Variants in SRPRA observed in about 807,000 individuals in gnomAD.
SRPRA encodes the protein SRP receptor subunit alpha.
In SRPRA, 30 loss-of-function variants were observed where a neutral mutation model predicts 61.1. The observed-to-expected ratio is 0.49, with a 90% confidence interval of 0.37 to 0.67. The LOEUF is 0.67. SRPRA is among the 30% of genes least tolerant of loss of function. The probability of loss-of-function intolerance (pLI) is 0.00; values close to 1 mark genes in which losing one functional copy is unlikely to be tolerated. For synonymous variants in SRPRA, 324 were observed against 299.7 expected, an observed-to-expected ratio of 1.08 and a Z score of -0.84; for missense variants, 759 against 828.4, an observed-to-expected ratio of 0.92 and a Z score of 1.03.
chr11:126,260,840 A>G (rs1950677102), downstream of SRPRA: 1 of 152,364 alleles, frequency 6.6e-6, no homozygotes, highest in South Asian at 2.1e-4. Context: ...GTTATCCAGT[A>G]GAATTTCCTG....
the SRPRA span, among the ~76,000 whole-genome samples, chr11:126,255,961 T>C: frequency 2.0e-5 from 3 of 151,048 alleles, no homozygotes; most frequent in African/African-American, 7.3e-5. The surrounding 1 kb of genome is among the most constrained non-coding windows in gnomAD (Gnocchi z 4.6). Context: ...GTCTCAAAAA[T>C]AAAATAAAAA....
chr11:126,256,022 G>A, the SRPRA span, among the ~76,000 whole-genome samples: 2 of 151,360 alleles, frequency 1.3e-5, no homozygotes, highest in African/African-American at 4.9e-5. The surrounding 1 kb of genome is among the most constrained non-coding windows in gnomAD (Gnocchi z 6.6). Flanking sequence ...TGTAATCCCA[G>A]CACTTTGGGA....
At chr11:126,262,190 G>A (rs1950715404), downstream of SRPRA, 10 of 1,582,432 alleles carry the variant, frequency 6.3e-6, no homozygotes, top group East Asian at 1.6e-4. Flanking sequence ...ACTACAGACA[G>A]TGTTTAACAA....
the SRPRA span, among the ~76,000 whole-genome samples, chr11:126,239,988 G>T: frequency 6.6e-6 from 1 of 152,126 alleles, no homozygotes; most frequent in African/African-American, 2.4e-5. Context: ...AAAGGTTGGG[G>T]AGAAGCCATT....
chr11:126,246,256 A>G, the SRPRA span, among the ~76,000 whole-genome samples: 2 of 152,176 alleles, frequency 1.3e-5, no homozygotes, highest in South Asian at 2.1e-4. Context: ...GGAAATGTCC[A>G]TATTAGAAAA....
chr11:126,259,628 T>C (rs979144300), downstream of SRPRA, among the ~76,000 whole-genome samples: 4 of 151,288 alleles, frequency 2.6e-5, no homozygotes, highest in African/African-American at 4.9e-5. Context: ...GGTTTCACCA[T>C]GTTGGCCAGG....
At chr11:126,236,228 T>A in the SRPRA span, among the ~76,000 whole-genome samples, 1 of 152,232 alleles carries the variant, frequency 6.6e-6, no homozygotes, top group Admixed American at 6.5e-5. Context: ...CGCCTTTGTT[T>A]TCCTGAAGCA....
At chr11:126,261,296 T>A (rs536849960), downstream of SRPRA, 2 of 686,166 alleles carry the variant, frequency 2.9e-6, no homozygotes, top group Non-Finnish European at 5.0e-6. Flanking sequence ...TTCTCAATGA[T>A]TGTTTCATTT....
At chr11:126,239,646 T>G in the SRPRA span, among the ~76,000 whole-genome samples, 8 of 152,188 alleles carry the variant, frequency 5.3e-5, no homozygotes, top group Admixed American at 5.2e-4. Flanking sequence ...CCCTAGTAGC[T>G]GGGACTACAG....
In SRPRA at chr11:126,265,849, A is replaced by C; in HGVS notation, c.1052-26T>G. On this transcript the variant is annotated intron_variant, in intron 8 of 13. Coordinates refer to ENST00000332118, the MANE Select transcript of SRPRA (RefSeq NM_003139.4). This position sits in a 1 kb window ranked among gnomAD's most constrained non-coding sequence, Gnocchi z 6.3. ...CTGAGGAGAGGGGGACAGGTATGTC[A>C]GTTCCATGTCAGCAATGACCAATCT... 6.2e-7 allele frequency: 1 copy of C among 1,614,056 alleles called. No homozygotes were observed. Among genetic ancestry groups the C allele is most frequent in the South Asian group, 1.1e-5 (1 of 91,088 alleles).
chr11:126,257,110 C>A, the SRPRA span, among the ~76,000 whole-genome samples: 1 of 152,284 alleles, frequency 6.6e-6, no homozygotes, highest in East Asian at 1.9e-4. Flanking sequence ...CACTAGTTAT[C>A]AATGAAATGC....
At chr11:126,259,869 C>A (rs1198245587), downstream of SRPRA, among the ~76,000 whole-genome samples, 1 of 150,512 alleles carries the variant, frequency 6.6e-6, no homozygotes. Context: ...TAAAGGCGCC[C>A]GCCACCACAC....
At chr11:126,266,690 G>A (rs1950815710) in intron 5 of SRPRA, 61 bp from the exon 6 acceptor site, 1 of 1,608,308 alleles carries the variant, frequency 6.2e-7, no homozygotes. Context: ...ACATGAGCCA[G>A]AGACCAGAAC....
At chr11:126,255,084 TAACA>T in the SRPRA span, among the ~76,000 whole-genome samples, 1 of 152,346 alleles carries the variant, frequency 6.6e-6, no homozygotes, top group South Asian at 2.1e-4. This position sits in a 1 kb window ranked among gnomAD's most constrained non-coding sequence, Gnocchi z 4.6. Flanking sequence ...GGCAGCTTCT[TAACA>T]AACCAACCAC....
chr11:126,266,512 T>C lies in SRPRA; in HGVS notation c.804A>G (p.Gly268=), dbSNP rs913601111. Residue 268 remains glycine, a synonymous_variant, in exon 6 of 14, where the codon GGA becomes GGG. Coordinates refer to ENST00000332118, the MANE Select transcript of SRPRA (RefSeq NM_003139.4). ...VLDYSTPTTN[G]TPEAALSEDI... ...CCTCAGACAAGGCAGCCTCAGGGGT[T>C]CCATTGGTGGTGGGAGTACTGTAAT... The C allele has an allele frequency of 5.0e-6, 8 of 1,614,084 alleles. No homozygotes were observed. The African/African-American group carries it at 1.1e-4, about 22-fold the overall frequency.
At position 126,264,789 on chromosome 11, in the gene SRPRA, A is replaced by G; in HGVS notation, c.1525+170T>C. 1.3e-6 allele frequency: 1 copy of G among 785,594 alleles called. No homozygotes were observed. Among genetic ancestry groups the G allele is most frequent in the South Asian group, 1.9e-5 (1 of 53,612 alleles). 48.7% of individuals were successfully genotyped at this position (785,594 alleles called of 1,614,324 possible). The stretch of plus-strand genomic sequence containing the variant: ...GTTAAGGTATATTAGCTTTGCCTGC[A>G]ACTACATCTGTTATCCAAAAGCAGA... On this transcript the variant is annotated intron_variant, in intron 11 of 13. Coordinates refer to ENST00000332118, the MANE Select transcript of SRPRA (RefSeq NM_003139.4). The surrounding 1 kb of genome is among the most constrained non-coding windows in gnomAD (Gnocchi z 5.0).
chr11:126,259,405 T>C (rs1311208842), downstream of SRPRA, among the ~76,000 whole-genome samples: 1 of 150,564 alleles, frequency 6.6e-6, no homozygotes, highest in Non-Finnish European at 1.5e-5. Context: ...TCCATTACCA[T>C]ACAAGCAGTC....
chr11:126,261,712 G>A (rs905739482), downstream of SRPRA, among the ~76,000 whole-genome samples: 2 of 152,176 alleles, frequency 1.3e-5, no homozygotes, highest in African/African-American at 4.8e-5. Context: ...AGTACTGCTG[G>A]GTGTGGTGGC....
In SRPRA at chr11:126,265,532, CAG is replaced by C; in HGVS notation, c.1139-94_1139-93del. The C allele has an allele frequency of 7.0e-7, 1 of 1,423,318 alleles. No individual in the cohort carries two copies. Among genetic ancestry groups the C allele is most frequent in the Non-Finnish European group, 9.5e-7 (1 of 1,048,918 alleles). 88.2% of individuals were successfully genotyped at this position (1,423,318 alleles called of 1,614,324 possible). ...CCTTTCTGAGCTAAGGGGACTAAAA[CAG>C]TAAATTAGACTCTTGTCCCAGAAAT... is the stretch of plus-strand genomic sequence containing the variant. On this transcript the variant is annotated intron_variant, in intron 9 of 13. Transcript: ENST00000332118. The surrounding 1 kb of genome is among the most constrained non-coding windows in gnomAD (Gnocchi z 6.3).
Sources: allele counts gnomAD v4.1 joint callset (sites outside exome capture counted in the v4.1 genomes callset), GRCh38; gene constraint gnomAD v4.1.1; non-coding constraint Gnocchi (gnomAD v3.1); transcripts MANE v1.5; gene names NCBI Gene and HGNC (gene_info 2026-07-23, HGNC 2026-07-21).